CALD1: variants seen among roughly 807,000 people sequenced by gnomAD.
CALD1 encodes caldesmon 1.
CALD1 carries 33 observed loss-of-function variants against 99.9 expected under a neutral mutation model. The observed-to-expected ratio is 0.33, with a 90% CI of 0.25 to 0.44. The LOEUF (loss-of-function observed/expected upper bound fraction) is 0.44. Ranked by LOEUF, CALD1 falls within the 20% of genes least tolerant of loss-of-function variation. CALD1 has a pLI of 1.00. For synonymous variants in CALD1, 310 were observed against 325.0 expected (o/e 0.95, Z 0.50); for missense variants, 861 against 962.1 (o/e 0.89, Z 1.39).
intron 1 of CALD1, among the ~76,000 whole-genome samples, chr7:134,761,043 G>A (rs187947592): frequency 9.3e-4 from 142 of 152,266 alleles, no homozygotes; most frequent in Non-Finnish European, 1.4e-3. Context: ...AACAGCGAAC[G>A]GTGAAAAGGA....
intron 3 of CALD1, among the ~76,000 whole-genome samples, chr7:134,920,123 A>G (rs1262095902): frequency 6.6e-6 from 1 of 152,202 alleles, no homozygotes; most frequent in Non-Finnish European, 1.5e-5. Flanking sequence ...GTAAATCTGC[A>G]AGGCAAATAT....
intron 3 of CALD1, among the ~76,000 whole-genome samples, chr7:134,928,453 A>C (rs1805223750): frequency 6.6e-6 from 1 of 151,490 alleles, no homozygotes; most frequent in Admixed American, 6.6e-5. Context: ...AAAAAAAAAA[A>C]AAACTAACCC....
At chr7:134,823,754 A>C (rs1220910171) in intron 1 of CALD1, among the ~76,000 whole-genome samples, 2 of 152,248 alleles carry the variant, frequency 1.3e-5, no homozygotes, top group African/African-American at 4.8e-5. Flanking sequence ...ACTTTGAAAA[A>C]AATATATCAT....
chr7:134,885,210 G>C (rs1801798070), intron 3 of CALD1, among the ~76,000 whole-genome samples: 1 of 152,152 alleles, frequency 6.6e-6, no homozygotes, highest in African/African-American at 2.4e-5. Context: ...TGGGATTACA[G>C]GTGTGAGCCC....
chr7:134,928,158 C>A (rs980996510), intron 3 of CALD1: 2 of 245,970 alleles, frequency 8.1e-6, no homozygotes, highest in Non-Finnish European at 1.8e-5. Context: ...AAGGCCAGGC[C>A]CGGTGGCTCA....
At chr7:134,738,040 G>A in the CALD1 span, among the ~76,000 whole-genome samples, 1 of 152,210 alleles carries the variant, frequency 6.6e-6, no homozygotes, top group Non-Finnish European at 1.5e-5. Flanking sequence ...TGCTGGTTGA[G>A]AAATTTCTTT....
chr7:134,897,170 A>T (rs1162244709), intron 3 of CALD1, among the ~76,000 whole-genome samples: 1 of 152,128 alleles, frequency 6.6e-6, no homozygotes, highest in Admixed American at 6.5e-5. Context: ...AGGGTTTCGC[A>T]TTCTAGTGAA....
intron 3 of CALD1, among the ~76,000 whole-genome samples, chr7:134,889,250 G>A (rs1226110150): frequency 3.3e-5 from 5 of 152,210 alleles, no homozygotes; most frequent in Non-Finnish European, 7.3e-5. Flanking sequence ...GGCTCCAGGG[G>A]AGAATCCATT....
rs944519917 is a variant in CALD1, at chr7:134,822,819, A to G, written c.-129-21065A>G. Among the ~76,000 whole-genome samples the G allele has an allele frequency of 3.5e-4, 54 of 152,146 alleles. 1 individual carries two copies. Among genetic ancestry groups the G allele is most frequent in the Non-Finnish European group, 5.9e-5 (4 of 68,004 alleles). On this transcript the variant is annotated intron_variant, in intron 1 of 14. Transcript: ENST00000361675. ...TTTTTCTATTATATTTCTACACTCT[A>G]TGTTCTATTTGGCGATATAGTTAGT...
chr7:134,748,935 A>AC (rs142321876), intron 1 of CALD1, among the ~76,000 whole-genome samples: 2,648 of 151,870 alleles, frequency 0.017, 86 homozygotes, highest in African/African-American at 0.061. Context: ...CTAGAGGGAG[A>AC]CCCCCACCCC....
chr7:134,875,972 C>A (rs1390696917), intron 3 of CALD1, among the ~76,000 whole-genome samples: 1 of 152,208 alleles, frequency 6.6e-6, no homozygotes, highest in African/African-American at 2.4e-5. Flanking sequence ...GACTGTACAT[C>A]ATTAGGACAG....
At chr7:134,829,955 A>G (rs528806060) in intron 1 of CALD1, among the ~76,000 whole-genome samples, 33 of 152,238 alleles carry the variant, frequency 2.2e-4, no homozygotes, top group African/African-American at 5.3e-4. Context: ...GGAAGGAGGA[A>G]GTGTATGAAA....
At chr7:134,832,631 G>A (rs917066630) in intron 1 of CALD1, among the ~76,000 whole-genome samples, 3 of 152,178 alleles carry the variant, frequency 2.0e-5, no homozygotes, top group Admixed American at 6.5e-5. Flanking sequence ...GGGCAGTTTT[G>A]ATTTTCATAT....
intron 1 of CALD1, among the ~76,000 whole-genome samples, chr7:134,793,414 C>T (rs945794045): frequency 3.9e-5 from 6 of 152,224 alleles, no homozygotes; most frequent in Non-Finnish European, 7.3e-5. Context: ...CAACAGTCCT[C>T]CTCACTTTAT....
At chr7:134,737,392 G>A in the CALD1 span, among the ~76,000 whole-genome samples, 3 of 152,048 alleles carry the variant, frequency 2.0e-5, no homozygotes, top group African/African-American at 7.2e-5. Flanking sequence ...GCTTCCCAAA[G>A]TACTGGGATT....
At chr7:134,789,568 GC>G (rs1393295681) in intron 1 of CALD1, among the ~76,000 whole-genome samples, 1 of 152,178 alleles carries the variant, frequency 6.6e-6, no homozygotes, top group East Asian at 1.9e-4. Context: ...TCTTGAAACT[GC>G]TTTGCACGTA....
At chr7:134,955,627 G>A (rs1356533810) in intron 9 of CALD1, among the ~76,000 whole-genome samples, 2 of 152,178 alleles carry the variant, frequency 1.3e-5, no homozygotes, top group African/African-American at 4.8e-5. Context: ...GCTCTCTAGT[G>A]TGTCTTCCTG....
At chr7:134,774,485 C>A (rs75527735) in intron 1 of CALD1, among the ~76,000 whole-genome samples, 3,647 of 152,182 alleles carry the variant, frequency 0.024, 165 homozygotes, top group African/African-American at 0.082. Context: ...TCCTCTGAGC[C>A]CAGCACTTCA....
intron 1 of CALD1, among the ~76,000 whole-genome samples, chr7:134,751,069 G>A (rs1796682092): frequency 6.6e-6 from 1 of 152,170 alleles, no homozygotes; most frequent in Non-Finnish European, 1.5e-5. Context: ...AATGCACACT[G>A]AGACAGTATG....
Sources: allele counts gnomAD v4.1 joint callset (sites outside exome capture counted in the v4.1 genomes callset), GRCh38; gene constraint gnomAD v4.1.1; transcripts MANE v1.5; gene names NCBI Gene and HGNC (gene_info 2026-07-23, HGNC 2026-07-21).